The following KCNH7 variants were observed in gnomAD, a reference collection of about 807,000 sequenced individuals.
KCNH7 encodes the protein potassium voltage-gated channel subfamily H member 7.
Under a neutral mutation model 120.8 loss-of-function variants are expected in KCNH7, and 49 were observed. The observed-to-expected ratio is 0.41, with a 90% confidence interval of 0.32 to 0.51. KCNH7 has a LOEUF of 0.51. Among genes scored for constraint, KCNH7 ranks in the 20% least tolerant of loss-of-function variants. KCNH7 has a pLI of 0.38. For missense variants in KCNH7, 1,097 were observed against 1,446.6 expected (o/e 0.76, Z 3.92); for synonymous variants, 547 against 516.1 (o/e 1.06, Z -0.81).
At chr2:162,491,264 T>C (rs1574022720) in intron 6 of KCNH7, among the ~76,000 whole-genome samples, 2 of 152,192 alleles carry the variant, frequency 1.3e-5, no homozygotes, top group Non-Finnish European at 2.9e-5. Flanking sequence ...CCAGGCATTG[T>C]CCCCACCCTG....
intron 2 of KCNH7, among the ~76,000 whole-genome samples, chr2:162,741,260 ATAT>A (rs1688121182): frequency 6.7e-6 from 1 of 149,662 alleles, no homozygotes; most frequent in African/African-American, 2.4e-5. Context: ...TTAGTTATAC[ATAT>A]TAATAACATA....
intron 7 of KCNH7, among the ~76,000 whole-genome samples, chr2:162,437,360 T>A (rs1688274209): frequency 6.6e-6 from 1 of 152,182 alleles, no homozygotes; most frequent in African/African-American, 2.4e-5. Flanking sequence ...CTGAGTTGTT[T>A]TTCAGAGTGG....
intron 2 of KCNH7, among the ~76,000 whole-genome samples, chr2:162,717,985 A>G (rs1687187505): frequency 6.6e-6 from 1 of 151,764 alleles, no homozygotes; most frequent in African/African-American, 2.4e-5. Context: ...TTAACTTCTC[A>G]CATCATGGTT....
At chr2:162,556,890 A>C (rs1479301709) in intron 2 of KCNH7, among the ~76,000 whole-genome samples, 1 of 152,276 alleles carries the variant, frequency 6.6e-6, no homozygotes, top group African/African-American at 2.4e-5. Context: ...TTTAAAAATT[A>C]TGCTGGTCTC....
Position 162,821,148 on chromosome 2 carries a change from C to A in KCNH7, c.307+15389G>T, listed in dbSNP as rs181585549. ...TGGTTCTACACATACCCTATCCACACCCACACTTTAACAGATTCCAAGATA... is the reference window on the plus strand; with the variant it reads ...TGGTTCTACACATACCCTATCCACAACCACACTTTAACAGATTCCAAGATA... On this transcript the variant is annotated intron_variant, in intron 2 of 15. Coordinates refer to ENST00000332142, the MANE Select transcript of KCNH7 (RefSeq NM_033272.4). Among the ~76,000 whole-genome samples the A allele has an allele frequency of 3.3e-5, 5 of 152,334 alleles. No homozygotes were observed. The East Asian group carries it at 7.7e-4, about 23-fold the overall frequency.
At chr2:162,504,387 T>C in intron 6 of KCNH7, 56 bp downstream of exon 6, 2 of 1,266,770 alleles carry the variant, frequency 1.6e-6, no homozygotes, top group South Asian at 1.2e-5. Flanking sequence ...ATATGTTTCA[T>C]GGTGCAGAAA....
rs150986312 is a variant in KCNH7 at position 162,656,945 on chromosome 2, T to C, written c.308-119865A>G. Among the ~76,000 whole-genome samples the C allele has an allele frequency of 5.0e-3, 763 of 152,322 alleles. 9 individuals are homozygous for C. The highest frequency in any genetic ancestry group is 0.017 in the African/African-American group (724 of 41,574). On this transcript the variant is annotated intron_variant, in intron 2 of 15. Transcript: ENST00000332142. Reference sequence around the variant, plus strand: ...TGGCAATTTAGAAAGCATGTCTCCTTTAAAGGTGCTAAGGCAGCTTTAGCA... The same window carrying C: ...TGGCAATTTAGAAAGCATGTCTCCTCTAAAGGTGCTAAGGCAGCTTTAGCA...
chr2:162,773,863 C>T (rs1041057197), intron 2 of KCNH7, among the ~76,000 whole-genome samples: 2 of 152,060 alleles, frequency 1.3e-5, no homozygotes, highest in Non-Finnish European at 1.5e-5. Flanking sequence ...ATATGATAAA[C>T]GGGATTGTCT....
Position 162,744,853 on chromosome 2 carries a change from G to A in KCNH7, c.307+91684C>T, listed in dbSNP as rs547966813. On this transcript the variant is annotated intron_variant, in intron 2 of 15. Coordinates refer to ENST00000332142, the MANE Select transcript of KCNH7 (RefSeq NM_033272.4). Reference sequence around the variant, plus strand: ...CTCCCAAAGTGCTGGGATTACAGGCGTGAGCCACCGCGCCCGGCCGACAGA... The same window carrying A: ...CTCCCAAAGTGCTGGGATTACAGGCATGAGCCACCGCGCCCGGCCGACAGA... Among the ~76,000 whole-genome samples the A allele has an allele frequency of 3.9e-5, 6 of 152,218 alleles. No homozygotes were observed. In the East Asian group the frequency reaches 9.7e-4, roughly 25 times the overall value.
chr2:162,827,502 C>G (rs1435607831), intron 2 of KCNH7, among the ~76,000 whole-genome samples: 1 of 147,140 alleles, frequency 6.8e-6, no homozygotes, highest in East Asian at 2.0e-4. Context: ...TAGCTATCCT[C>G]ATTCTACTAA....
intron 2 of KCNH7, among the ~76,000 whole-genome samples, chr2:162,629,692 A>G (rs1269314086): frequency 3.9e-5 from 6 of 152,060 alleles, no homozygotes; most frequent in Admixed American, 1.3e-4. Flanking sequence ...CCAATACCAC[A>G]TTCAGTGACG....
chr2:162,409,840 T>C (rs1018996577), intron 9 of KCNH7, among the ~76,000 whole-genome samples: 1 of 151,826 alleles, frequency 6.6e-6, no homozygotes, highest in African/African-American at 2.4e-5. Flanking sequence ...AATAGCCACA[T>C]AAAGAATAAA....
At chr2:162,664,899 A>G (rs943519379) in intron 2 of KCNH7, among the ~76,000 whole-genome samples, 3 of 152,154 alleles carry the variant, frequency 2.0e-5, no homozygotes, top group African/African-American at 4.8e-5. Context: ...CACAAAGGAC[A>G]TATCACTATT....
At chr2:162,615,966 A>G (rs1293884706) in intron 2 of KCNH7, among the ~76,000 whole-genome samples, 1 of 152,228 alleles carries the variant, frequency 6.6e-6, no homozygotes, top group East Asian at 1.9e-4. Flanking sequence ...ATTAGAAGTT[A>G]CTAAATTAGA....
At chr2:162,538,328 C>T (rs1329145786) in intron 2 of KCNH7, among the ~76,000 whole-genome samples, 1 of 152,014 alleles carries the variant, frequency 6.6e-6, no homozygotes, top group African/African-American at 2.4e-5. Context: ...ACCAAAAGAT[C>T]GGACCCCCCT....
intron 2 of KCNH7, among the ~76,000 whole-genome samples, chr2:162,640,784 T>C (rs192162078): frequency 6.6e-6 from 1 of 152,018 alleles, no homozygotes; most frequent in Admixed American, 6.6e-5. Flanking sequence ...ACATACCCAG[T>C]AAAGGACTGG....
At chr2:162,375,684 T>C (rs117783664) in intron 14 of KCNH7, among the ~76,000 whole-genome samples, 3,133 of 152,182 alleles carry the variant, frequency 0.021, 218 homozygotes, top group Admixed American at 0.15. Flanking sequence ...TTCCAGCACT[T>C]TGAGATGCCA....
chr2:162,379,813 G>A, intron 14 of KCNH7, 40 bp downstream of exon 14: 1 of 1,598,838 alleles, frequency 6.3e-7, no homozygotes, highest in Non-Finnish European at 8.6e-7. Context: ...CCATGTAAGG[G>A]GTTGGGTTAT....
intron 3 of KCNH7, among the ~76,000 whole-genome samples, chr2:162,530,573 T>C (rs1361907276): frequency 6.6e-6 from 1 of 152,038 alleles, no homozygotes; most frequent in Admixed American, 6.6e-5. Flanking sequence ...TGAATACCAT[T>C]GTATACTTCT....
Sources: allele counts gnomAD v4.1 joint callset (sites outside exome capture counted in the v4.1 genomes callset), GRCh38; gene constraint gnomAD v4.1.1; transcripts MANE v1.5; gene names NCBI Gene and HGNC (gene_info 2026-07-23, HGNC 2026-07-21).